The following PPP3CA variants were observed in gnomAD, a reference collection of about 807,000 sequenced individuals.
PPP3CA encodes CAM-PRP catalytic subunit.
A neutral mutation model predicts 66.5 loss-of-function variants in PPP3CA; 14 were observed. The observed-to-expected ratio is 0.21, with a 90% CI of 0.14 to 0.33. PPP3CA has a LOEUF of 0.33. Ranked by LOEUF, PPP3CA falls within the 10% of genes least tolerant of loss-of-function variation. The probability of loss-of-function intolerance (pLI) is 1.00; values close to 1 mark genes in which losing one functional copy is unlikely to be tolerated. For synonymous variants in PPP3CA, 232 were observed against 226.2 expected, an observed-to-expected ratio of 1.03 and a Z score of -0.23; for missense variants, 317 against 639.5, an observed-to-expected ratio of 0.50 and a Z score of 5.44.
In PPP3CA at chr4:101,175,591, A is replaced by G. The variant is rs557205172; in HGVS notation, c.259+20325T>C. ...GAAAAAAGGAGCATCTAAGGAGTCC[A>G]AAGGGACTTAAAGCTATCTACGATA... On this transcript the variant is annotated intron_variant, in intron 2 of 13. Coordinates refer to ENST00000394854, the MANE Select transcript of PPP3CA (RefSeq NM_000944.5). 5.9e-5 allele frequency among the ~76,000 whole-genome samples: 9 copies of G among 152,330 alleles called. No homozygotes were observed. The East Asian group carries it at 1.7e-3, about 29-fold the overall frequency.
At chr4:101,254,981 G>A (rs367928949) in intron 1 of PPP3CA, among the ~76,000 whole-genome samples, 3 of 141,644 alleles carry the variant, frequency 2.1e-5, no homozygotes, top group East Asian at 4.2e-4. Context: ...GTATGTGAAC[G>A]AAGGATGCCT....
chr4:101,257,046 C>T (rs1304727639), intron 1 of PPP3CA, among the ~76,000 whole-genome samples: 1 of 151,944 alleles, frequency 6.6e-6, no homozygotes, highest in African/African-American at 2.4e-5. Flanking sequence ...TATTATGGAA[C>T]TCATTCTAGT....
intron 12 of PPP3CA, among the ~76,000 whole-genome samples, chr4:101,031,713 G>A: frequency 6.6e-6 from 1 of 151,088 alleles, no homozygotes; most frequent in Non-Finnish European, 1.5e-5. Flanking sequence ...TAAAGGAAAT[G>A]TTACTCTTTT....
At chr4:101,150,254 T>A (rs1460522983) in intron 2 of PPP3CA, among the ~76,000 whole-genome samples, 1 of 152,144 alleles carries the variant, frequency 6.6e-6, no homozygotes, top group African/African-American at 2.4e-5. Flanking sequence ...TCTTCCTAGG[T>A]CTTTAGGTCT....
At chr4:101,314,569 C>CA (rs748980814) in intron 1 of PPP3CA, among the ~76,000 whole-genome samples, 31,116 of 74,824 alleles carry the variant, frequency 0.42, 3,979 homozygotes, top group African/African-American at 0.54. Context: ...ATCTCAAAAC[C>CA]AAAAAAAAAA....
rs1560605281 is a variant in PPP3CA, at chr4:101,106,470, GA to G, written c.384+2483del. Among the ~76,000 whole-genome samples the G allele has an allele frequency of 8.9e-3, 263 of 29,448 alleles. 40 individuals are homozygous for G. Among genetic ancestry groups the G allele is most frequent in the African/African-American group, 0.04 (154 of 3,878 alleles). 19.3% of individuals were successfully genotyped at this position (29,448 alleles called of 152,430 possible). ...GAAAGAAAGAGAAAAGAAAAGAAAA[GA>G]AAAGAAAAGAAAAGAAAAGAAAAGA... On this transcript the variant is annotated intron_variant, in intron 3 of 13. Transcript: ENST00000394854.
chr4:101,271,477 A>G (rs1486670714), intron 1 of PPP3CA, among the ~76,000 whole-genome samples: 1 of 152,134 alleles, frequency 6.6e-6, no homozygotes, highest in Non-Finnish European at 1.5e-5. Context: ...ACATAAACTT[A>G]AAAGGCAGTG....
chr4:101,204,374 C>T (rs558112780), intron 1 of PPP3CA, among the ~76,000 whole-genome samples: 38 of 152,156 alleles, frequency 2.5e-4, no homozygotes, highest in African/African-American at 8.4e-4. Context: ...CAGTGGCTCA[C>T]GCCTGTAATC....
At chr4:101,261,489 T>C (rs1202264044) in intron 1 of PPP3CA, among the ~76,000 whole-genome samples, 1 of 152,082 alleles carries the variant, frequency 6.6e-6, no homozygotes, top group Non-Finnish European at 1.5e-5. Context: ...TATTTACAAC[T>C]TCCAGATTTT....
chr4:101,152,597 A>G (rs73833230), intron 2 of PPP3CA, among the ~76,000 whole-genome samples: 3,959 of 152,294 alleles, frequency 0.026, 192 homozygotes, highest in African/African-American at 0.089. Flanking sequence ...AAAATGCAAT[A>G]ACATAACTTG....
intron 3 of PPP3CA, among the ~76,000 whole-genome samples, chr4:101,102,615 C>T (rs576423904): frequency 6.6e-6 from 1 of 152,102 alleles, no homozygotes; most frequent in Non-Finnish European, 1.5e-5. Flanking sequence ...ACTGTCTTGC[C>T]GGCAACTATT....
At chr4:101,297,542 T>C (rs866996962) in intron 1 of PPP3CA, among the ~76,000 whole-genome samples, 3 of 152,180 alleles carry the variant, frequency 2.0e-5, no homozygotes, top group African/African-American at 4.8e-5. Flanking sequence ...GAGGGCATCA[T>C]GGCCAATTGT....
chr4:101,040,801 G>A (rs963038518), intron 10 of PPP3CA, among the ~76,000 whole-genome samples: 10 of 152,150 alleles, frequency 6.6e-5, no homozygotes, highest in South Asian at 2.1e-4. Context: ...GAGATATCCA[G>A]AGGGGAGGTG....
chr4:101,196,216 TATA>T, intron 1 of PPP3CA, 100 bp from the exon 2 acceptor site: 2 of 1,072,782 alleles, frequency 1.9e-6, no homozygotes, highest in Non-Finnish European at 2.6e-6. Context: ...AACCAACTAA[TATA>T]ATATTTTTAG....
chr4:101,119,808 A>G (rs935157168), intron 2 of PPP3CA, among the ~76,000 whole-genome samples: 5 of 152,078 alleles, frequency 3.3e-5, no homozygotes, highest in African/African-American at 1.2e-4. Flanking sequence ...ATTCAGCTCC[A>G]TCTAATTTCC....
chr4:101,074,059 G>C (rs1188187047), intron 8 of PPP3CA, among the ~76,000 whole-genome samples: 3 of 152,326 alleles, frequency 2.0e-5, no homozygotes, highest in African/African-American at 7.2e-5. Context: ...AAAGCAACCA[G>C]TGATCATATT....
At position 101,040,254 on chromosome 4, in the gene PPP3CA, T is replaced by C. The variant is rs140945389; in HGVS notation, c.1241+228A>G. 6.9e-3 allele frequency among the ~76,000 whole-genome samples: 1,048 copies of C among 152,334 alleles called. 8 individuals are homozygous for C. The highest frequency in any genetic ancestry group is 0.036 in the South Asian group (172 of 4,830). On this transcript the variant is annotated intron_variant, in intron 11 of 13. Coordinates refer to ENST00000394854, the MANE Select transcript of PPP3CA (RefSeq NM_000944.5). The stretch of plus-strand genomic sequence containing the variant: ...TAGCAAATAGAGGAATAAAATGTGA[T>C]GCAATTCGAGACTTTCTTAACAGAA...
At position 101,312,868 on chromosome 4, in the gene PPP3CA, T is replaced by C. The variant is rs139393836; in HGVS notation, c.58+33871A>G. ...CATCATCAGAGACATTAAAAAGTGGTTGCAGGCAAAACCAGCATCTTTGAC... is the reference window on the plus strand; with the variant it reads ...CATCATCAGAGACATTAAAAAGTGGCTGCAGGCAAAACCAGCATCTTTGAC... On this transcript the variant is annotated intron_variant, in intron 1 of 13. Coordinates refer to ENST00000394854, the MANE Select transcript of PPP3CA (RefSeq NM_000944.5). Among the ~76,000 whole-genome samples, 45 of 152,294 alleles carry C rather than the reference T, an allele frequency of 3.0e-4. No individual in the cohort carries two copies. In the East Asian group the frequency reaches 7.9e-3, roughly 27 times the overall value.
At chr4:101,330,209 G>A in intron 1 of PPP3CA, 1 of 400,944 alleles carries the variant, frequency 2.5e-6, no homozygotes, top group South Asian at 1.9e-5. Context: ...AGAGGAGGGA[G>A]TAACTGCATA....
Sources: allele counts gnomAD v4.1 joint callset (sites outside exome capture counted in the v4.1 genomes callset), GRCh38; gene constraint gnomAD v4.1.1; transcripts MANE v1.5; gene names NCBI Gene and HGNC (gene_info 2026-07-23, HGNC 2026-07-21).